NXPE2: variants seen among roughly 807,000 people sequenced by gnomAD.
NXPE2 encodes the protein NXPE family member 2.
NXPE2 carries 34 observed loss-of-function variants against 34.4 expected under a neutral mutation model. The ratio of observed to expected loss-of-function variants is 0.99; its 90% confidence interval spans 0.75 to 1.31. The LOEUF (loss-of-function observed/expected upper bound fraction) is 1.31. NXPE2 is among the 40% of genes most tolerant of loss of function. NXPE2 has a pLI of 0.00. For missense variants in NXPE2, 649 were observed against 672.5 expected (o/e 0.97, Z 0.39); for synonymous variants, 235 against 231.3 (o/e 1.02, Z -0.15).
the NXPE2 span, chr11:114,570,970 G>A: frequency 1.2e-6 from 2 of 1,608,714 alleles, no homozygotes; most frequent in South Asian, 1.1e-5. Context: ...ATATTAATCT[G>A]ATTTCCGACT....
chr11:114,618,109 T>C, the NXPE2 span, among the ~76,000 whole-genome samples: 1 of 151,858 alleles, frequency 6.6e-6, no homozygotes, highest in Non-Finnish European at 1.5e-5. Flanking sequence ...GGATATTAAG[T>C]GTCGCCTCGT....
the NXPE2 span, among the ~76,000 whole-genome samples, chr11:114,492,248 TTTA>T: frequency 6.6e-6 from 1 of 152,180 alleles, no homozygotes; most frequent in African/African-American, 2.4e-5. Context: ...TGCTCTGATC[TTTA>T]TTATTTAAGA....
chr11:114,755,654 GTCTA>G, the NXPE2 span, among the ~76,000 whole-genome samples: 1 of 151,346 alleles, frequency 6.6e-6, no homozygotes, highest in Non-Finnish European at 1.5e-5. Context: ...CTATTAATCT[GTCTA>G]TCCATCCATT....
At chr11:114,638,417 C>T in the NXPE2 span, among the ~76,000 whole-genome samples, 42 of 151,990 alleles carry the variant, frequency 2.8e-4, no homozygotes, top group Non-Finnish European at 5.1e-4. Context: ...TGAATTTCCT[C>T]CTGTAGCTCA....
chr11:114,537,411 G>C, the NXPE2 span, among the ~76,000 whole-genome samples: 1 of 152,154 alleles, frequency 6.6e-6, no homozygotes, highest in African/African-American at 2.4e-5. Context: ...ATTCAACATA[G>C]GGTTGGAAGT....
the NXPE2 span, among the ~76,000 whole-genome samples, chr11:114,809,205 G>C: frequency 2.6e-5 from 4 of 151,836 alleles, no homozygotes; most frequent in Non-Finnish European, 5.9e-5. Flanking sequence ...AAAATAATAA[G>C]AGCTATCTAT....
the NXPE2 span, among the ~76,000 whole-genome samples, chr11:114,785,499 CAGTT>C: frequency 2.0e-5 from 3 of 152,116 alleles, no homozygotes; most frequent in Non-Finnish European, 4.4e-5. Flanking sequence ...ATCAATGGCT[CAGTT>C]AATTAATATA....
At chr11:114,692,263 G>T (rs1050555481) in intron 2 of NXPE2, among the ~76,000 whole-genome samples, 2 of 152,216 alleles carry the variant, frequency 1.3e-5, no homozygotes, top group Non-Finnish European at 1.5e-5. Flanking sequence ...CAAGTAGCAT[G>T]GGCAAGAAGC....
the NXPE2 span, among the ~76,000 whole-genome samples, chr11:114,725,468 C>T: frequency 1.9e-3 from 291 of 152,144 alleles, 2 homozygotes; most frequent in African/African-American, 5.7e-3. Context: ...CATGATAAAA[C>T]CTATGGTCAA....
the NXPE2 span, chr11:114,583,188 C>G: frequency 2.2e-4 from 186 of 831,782 alleles, no homozygotes; most frequent in East Asian, 4.1e-3. Context: ...TTTAAATTCT[C>G]CAATAAAAAG....
At chr11:114,583,742 CTAAAGTATCA>C in the NXPE2 span, 4 of 512,396 alleles carry the variant, frequency 7.8e-6, no homozygotes, top group African/African-American at 5.8e-5. Flanking sequence ...CTTGGAACTG[CTAAAGTATCA>C]CCAGAGGGTG....
intron 2 of NXPE2, among the ~76,000 whole-genome samples, chr11:114,690,839 C>G (rs1472380513): frequency 6.6e-6 from 1 of 151,872 alleles, no homozygotes; most frequent in East Asian, 1.9e-4. Flanking sequence ...GGTCTTTGAT[C>G]TCTAAAATTC....
the NXPE2 span, among the ~76,000 whole-genome samples, chr11:114,629,731 G>A: frequency 6.6e-6 from 1 of 151,722 alleles, no homozygotes; most frequent in African/African-American, 2.4e-5. Context: ...AAGTCAAATT[G>A]TCCCTGTTTG....
chr11:114,623,793 T>C, the NXPE2 span, among the ~76,000 whole-genome samples: 6 of 151,596 alleles, frequency 4.0e-5, no homozygotes, highest in Non-Finnish European at 5.9e-5. Flanking sequence ...ACTCTTACCC[T>C]ATGGATAACA....
the NXPE2 span, among the ~76,000 whole-genome samples, chr11:114,556,604 G>A: frequency 3.9e-5 from 6 of 151,902 alleles, no homozygotes; most frequent in African/African-American, 9.7e-5. Context: ...TGGCTCCCAC[G>A]CAGCATGATT....
At chr11:114,792,966 G>C in the NXPE2 span, among the ~76,000 whole-genome samples, 2 of 152,066 alleles carry the variant, frequency 1.3e-5, no homozygotes, top group African/African-American at 4.8e-5. Flanking sequence ...GCGGTAAAAA[G>C]GAACTTACAA....
the NXPE2 span, among the ~76,000 whole-genome samples, chr11:114,765,050 A>C: frequency 0.33 from 49,817 of 152,006 alleles, 8,989 homozygotes; most frequent in East Asian, 0.43. Context: ...CATCTTTTAC[A>C]ACTTCAGCCT....
intron 2 of NXPE2, among the ~76,000 whole-genome samples, chr11:114,688,548 T>G (rs1383444058): frequency 6.6e-6 from 1 of 152,074 alleles, no homozygotes; most frequent in Non-Finnish European, 1.5e-5. Context: ...GTAAGTTTGT[T>G]GTTGGTGTTG....
At chr11:114,523,092 C>G in the NXPE2 span, 1 of 1,608,292 alleles carries the variant, frequency 6.2e-7, no homozygotes. Context: ...TTTTCTCTCT[C>G]TGGTAACAAA....
Sources: allele counts gnomAD v4.1 joint callset (sites outside exome capture counted in the v4.1 genomes callset), GRCh38; gene constraint gnomAD v4.1.1; transcripts MANE v1.5; gene names NCBI Gene and HGNC (gene_info 2026-07-23, HGNC 2026-07-21).